The following DCUN1D3 variants were observed in gnomAD, a reference collection of about 807,000 sequenced individuals.
DCUN1D3 encodes defective in cullin neddylation 1 domain containing 3.
DCUN1D3 carries 6 observed loss-of-function variants against 24.8 expected under a neutral mutation model. That is an observed-to-expected ratio of 0.24 (90% CI 0.13 to 0.48). DCUN1D3 has a LOEUF of 0.48. DCUN1D3 is among the 20% of genes least tolerant of loss of function. DCUN1D3 has a pLI of 0.99. For missense variants in DCUN1D3, 258 were observed against 379.4 expected, an observed-to-expected ratio of 0.68 and a Z score of 2.66; for synonymous variants, 120 against 144.9, an observed-to-expected ratio of 0.83 and a Z score of 1.24.
At chr16:20,861,749 CAAAAAAAAAAAG>C (rs1291653639) in intron 2 of DCUN1D3, among the ~76,000 whole-genome samples, 4 of 116,178 alleles carry the variant, frequency 3.4e-5, no homozygotes, top group African/African-American at 1.2e-4. Context: ...CGTTATTCTG[CAAAAAAAAAAAG>C]AAAAAGAAAA....
At chr16:20,875,533 A>C (rs962963060) in intron 1 of DCUN1D3, among the ~76,000 whole-genome samples, 4 of 152,216 alleles carry the variant, frequency 2.6e-5, no homozygotes, top group Admixed American at 1.3e-4. Context: ...TCTCAGTTGA[A>C]AACGGGAACT....
At chr16:20,883,700 C>G (rs2081855797) in intron 1 of DCUN1D3, among the ~76,000 whole-genome samples, 1 of 152,116 alleles carries the variant, frequency 6.6e-6, no homozygotes, top group Non-Finnish European at 1.5e-5. Flanking sequence ...CCAAACTGTT[C>G]AGAAGGAAAG....
Position 20,855,131 on chromosome 16 carries a change from A to C in DCUN1D3, c.*4755T>G, listed in dbSNP as rs578106631. 6.6e-6 allele frequency: 1 copy of C among 152,508 alleles called. No homozygotes were observed. Among genetic ancestry groups the C allele is most frequent in the East Asian group, 1.9e-4 (1 of 5,192 alleles). 9.4% of individuals were successfully genotyped at this position (152,508 alleles called of 1,614,324 possible). A position where few individuals can be genotyped will look rare whatever the true frequency, so the allele number is the denominator to read the frequency against. On this transcript the variant is annotated 3_prime_UTR_variant, in exon 3 of 3. Coordinates refer to ENST00000324344, the MANE Select transcript of DCUN1D3 (RefSeq NM_173475.4). ...GTTTGTACAACCTCAACAAACAGAC[A>C]CACTGGTCACAAACCAAGAGGGATC...
At chr16:20,872,964 A>C (rs1481151235) in intron 1 of DCUN1D3, among the ~76,000 whole-genome samples, 1 of 152,128 alleles carries the variant, frequency 6.6e-6, no homozygotes, top group Non-Finnish European at 1.5e-5. Flanking sequence ...AAAAATACAA[A>C]AATTAGCTGG....
chr16:20,880,837 T>C (rs1284663990), intron 1 of DCUN1D3, among the ~76,000 whole-genome samples: 1 of 152,112 alleles, frequency 6.6e-6, no homozygotes, highest in African/African-American at 2.4e-5. Context: ...AAAACATTTT[T>C]ACACATATCA....
intron 1 of DCUN1D3, among the ~76,000 whole-genome samples, chr16:20,881,613 A>G (rs1004633095): frequency 2.0e-5 from 3 of 151,850 alleles, no homozygotes; most frequent in Non-Finnish European, 4.4e-5. Flanking sequence ...GGCATTTTAC[A>G]GTCATGATAG....
chr16:20,865,624 C>T (rs760630515), intron 1 of DCUN1D3, among the ~76,000 whole-genome samples: 4 of 152,164 alleles, frequency 2.6e-5, no homozygotes, highest in Admixed American at 6.5e-5. Context: ...CAGAAGTCAA[C>T]GTCAGTCACC....
chr16:20,881,721 T>G (rs536807395), intron 1 of DCUN1D3, among the ~76,000 whole-genome samples: 109 of 152,310 alleles, frequency 7.2e-4, no homozygotes, highest in African/African-American at 2.5e-3. Context: ...ATGCAAGCCC[T>G]TAGCCTGTGA....
intron 1 of DCUN1D3, among the ~76,000 whole-genome samples, chr16:20,878,051 C>T (rs2081824956): frequency 6.6e-6 from 1 of 152,196 alleles, no homozygotes; most frequent in Admixed American, 6.5e-5. Context: ...ATCCTTCTGC[C>T]TCAGTCTCCC....
Position 20,864,284 on chromosome 16 carries a change from A to G in DCUN1D3, c.-105-1641T>C, listed in dbSNP as rs146009625. Among the ~76,000 whole-genome samples the G allele has an allele frequency of 4.6e-3, 694 of 152,336 alleles. 6 individuals carry two copies. The highest frequency in any genetic ancestry group is 0.015 in the African/African-American group (643 of 41,584). On this transcript the variant is annotated intron_variant, in intron 1 of 2. Transcript: ENST00000324344. ...TATCCAGCATCTATAAGGAACTTAA[A>G]TTTACAAGAGAAAAACAAATAACCC... is the stretch of plus-strand genomic sequence containing the variant.
chr16:20,872,322 A>G (rs963837789), intron 1 of DCUN1D3, among the ~76,000 whole-genome samples: 1 of 152,210 alleles, frequency 6.6e-6, no homozygotes, highest in African/African-American at 2.4e-5. Flanking sequence ...GGAACACAAC[A>G]TACAGATGAT....
At chr16:20,879,609 G>T (rs1456186257) in intron 1 of DCUN1D3, among the ~76,000 whole-genome samples, 2 of 152,186 alleles carry the variant, frequency 1.3e-5, no homozygotes, top group Non-Finnish European at 2.9e-5. Flanking sequence ...AAAGCCAAAT[G>T]CAGGCATTTA....
In DCUN1D3 at chr16:20,865,461, A is replaced by T. The variant is rs140156315; in HGVS notation, c.-105-2818T>A. Among the ~76,000 whole-genome samples, 229 of 152,334 alleles carry T rather than the reference A, an allele frequency of 1.5e-3. 1 individual carries two copies. Among genetic ancestry groups the T allele is most frequent in the African/African-American group, 5.3e-3 (221 of 41,574 alleles). ...ATGACTCTGGCTACTTAGGACTCTT[A>T]TTCCTACCTTCAACTGGTTTGTTGG... is the stretch of plus-strand genomic sequence containing the variant. On this transcript the variant is annotated intron_variant, in intron 1 of 2. Transcript: ENST00000324344.
chr16:20,872,490 AT>A (rs937492473), intron 1 of DCUN1D3, among the ~76,000 whole-genome samples: 5 of 151,630 alleles, frequency 3.3e-5, no homozygotes, highest in Admixed American at 6.6e-5. Context: ...AAAAAAAAAA[AT>A]CTAAATCCAT....
At chr16:20,892,923 G>A (rs1377427477) in intron 1 of DCUN1D3, among the ~76,000 whole-genome samples, 1 of 152,110 alleles carries the variant, frequency 6.6e-6, no homozygotes, top group Non-Finnish European at 1.5e-5. Flanking sequence ...TAATAACCTC[G>A]CTTCACATAT....
rs1203032809 is a variant in DCUN1D3, at chr16:20,855,968, G to C, written c.*3918C>G. On this transcript the variant is annotated 3_prime_UTR_variant, in exon 3 of 3. Transcript: ENST00000324344. ...GAAGACCTTTGTCAGTTACCAAGAT[G>C]CTCAAGTCATAGCTAACCAAACATG... is the stretch of plus-strand genomic sequence containing the variant. 1 of 152,198 alleles carries C rather than the reference G, an allele frequency of 6.6e-6. No individual in the cohort carries two copies. Among genetic ancestry groups the C allele is most frequent in the African/African-American group, 2.4e-5 (1 of 41,448 alleles). 9.4% of individuals were successfully genotyped at this position (152,198 alleles called of 1,614,324 possible). A position where few individuals can be genotyped will look rare whatever the true frequency, so the allele number is the denominator to read the frequency against.
At chr16:20,876,059 G>A (rs918014908) in intron 1 of DCUN1D3, among the ~76,000 whole-genome samples, 2 of 151,990 alleles carry the variant, frequency 1.3e-5, no homozygotes, top group Admixed American at 1.3e-4. Context: ...AATCACCTCC[G>A]AGGTTCAAGT....
intron 1 of DCUN1D3, among the ~76,000 whole-genome samples, chr16:20,885,753 T>A (rs1052195394): frequency 8.5e-5 from 13 of 152,324 alleles, no homozygotes; most frequent in Non-Finnish European, 1.0e-4. Context: ...AATGAGATTT[T>A]AAATACTGCC....
intron 1 of DCUN1D3, among the ~76,000 whole-genome samples, chr16:20,879,550 C>T (rs2152517752): frequency 6.6e-6 from 1 of 152,298 alleles, no homozygotes; most frequent in Non-Finnish European, 1.5e-5. Flanking sequence ...TGAAATATTT[C>T]TGGATTGCTA....
Sources: gnomAD v4.1 joint callset for allele counts (sites outside exome capture counted in the v4.1 genomes callset) on GRCh38, gnomAD v4.1.1 for gene constraint, MANE v1.5 for transcripts, NCBI Gene and HGNC (gene_info 2026-07-23, HGNC 2026-07-21) for gene names.